The following WFDC8 variants were observed in gnomAD, a reference collection of about 807,000 sequenced individuals.
The protein encoded by WFDC8 is WAP four-disulfide core domain 8.
WFDC8 carries 24 observed loss-of-function variants against 27.0 expected under a neutral mutation model. The observed-to-expected ratio is 0.89, with a 90% CI of 0.64 to 1.25. WFDC8 has a LOEUF of 1.25. WFDC8 is among the 50% of genes most tolerant of loss of function. WFDC8 has a pLI of 0.00. For missense variants in WFDC8, 287 were observed against 295.9 expected (o/e 0.97, Z 0.22); for synonymous variants, 106 against 99.7 (o/e 1.06, Z -0.38).
chr20:45,561,965 C>G, intron 2 of WFDC8, 145 bp downstream of exon 2: 1 of 667,350 alleles, frequency 1.5e-6, no homozygotes, highest in South Asian at 1.9e-5. Context: ...TGTGGAGGGC[C>G]AGGGTCGTGA....
chr20:45,570,327 G>C (rs1230167468), intron 1 of WFDC8, among the ~76,000 whole-genome samples: 2 of 152,136 alleles, frequency 1.3e-5, no homozygotes, highest in African/African-American at 2.4e-5. Flanking sequence ...TTTTCTAACT[G>C]TTAAAGAATT....
intron 3 of WFDC8, among the ~76,000 whole-genome samples, chr20:45,556,739 A>T (rs2145563656): frequency 6.6e-6 from 1 of 152,372 alleles, no homozygotes; most frequent in African/African-American, 2.4e-5. Flanking sequence ...CAAAATTAAA[A>T]AAATATATAT....
chr20:45,562,186 C>T lies in WFDC8; in HGVS notation c.60G>A (p.Trp20Ter), dbSNP rs1336540586. The T allele has an allele frequency of 1.9e-6, 3 of 1,614,142 alleles. No individual in the cohort carries two copies. The highest frequency in any genetic ancestry group is 1.7e-6 in the Non-Finnish European group (2 of 1,180,020). The part of the protein sequence containing the change: ...HFPLHSPTFS[W>*]RNVAFLLLLS... ...GAAGCAGCAGGAAAGCTACATTCCT[C>T]CAGGAGAAGGTGGGGCTATGGAGAG... Residue 20 changes from tryptophan (W) to a stop codon, truncating the protein, a stop_gained, in exon 2 of 6, where the codon TGG becomes TGA. Coordinates refer to ENST00000289953, the MANE Select transcript of WFDC8 (RefSeq NM_130896.3). LOFTEE classifies it high-confidence loss of function.
At position 45,553,164 on chromosome 20, in the gene WFDC8, A is replaced by G; in HGVS notation, c.558T>C (p.Cys186=). The G allele has an allele frequency of 6.2e-7, 1 of 1,613,744 alleles. No homozygotes were observed. Among genetic ancestry groups the G allele is most frequent in the Non-Finnish European group, 8.5e-7 (1 of 1,179,778 alleles). Residue 186 remains cysteine (C), a synonymous_variant, in exon 5 of 6, where the codon TGT becomes TGC. Coordinates refer to ENST00000289953, the MANE Select transcript of WFDC8 (RefSeq NM_130896.3). ...TCCAGGCCCTGGCACAAACAAAGCCACACCTGGATTCACAACATTTGTCTG... is the reference window on the plus strand; with the variant it reads ...TCCAGGCCCTGGCACAAACAAAGCCGCACCTGGATTCACAACATTTGTCTG... ...PQTDKCCESR[C]GFVCARAWTV...
intron 4 of WFDC8, 42 bp downstream of exon 4, chr20:45,555,659 T>C (rs773217892): frequency 6.2e-6 from 10 of 1,605,856 alleles, no homozygotes; most frequent in Non-Finnish European, 8.5e-6. Flanking sequence ...ATACTATTTC[T>C]AGTTAAACTA....
chr20:45,571,248 T>A (rs1980856414), intron 1 of WFDC8, among the ~76,000 whole-genome samples: 1 of 152,198 alleles, frequency 6.6e-6, no homozygotes, highest in South Asian at 2.1e-4. Context: ...GGATCATTGG[T>A]CAATTTCATT....
intron 4 of WFDC8, among the ~76,000 whole-genome samples, chr20:45,553,748 T>C (rs1600884563): frequency 6.6e-6 from 1 of 152,214 alleles, no homozygotes; most frequent in East Asian, 1.9e-4. Flanking sequence ...GCTGTTGGGG[T>C]AATCCAAGTA....
rs1315713502 is a variant in WFDC8 at position 45,553,263 on chromosome 20, T to C, written c.459A>G (p.Gln153=). ...GTTCAGTGAAAGGGAAGAGTGGGCA[T>C]TGTCCATCCTTAACTAAAATAAGAG... ...TACMLIVKDG[Q]CPLFPFTERK... Residue 153 remains glutamine (Q), a synonymous_variant, in exon 5 of 6, where the codon CAA becomes CAG. Coordinates refer to ENST00000289953, the MANE Select transcript of WFDC8 (RefSeq NM_130896.3). 1.4e-5 allele frequency: 22 copies of C among 1,613,276 alleles called. No homozygotes were observed. The highest frequency in any genetic ancestry group is 1.7e-5 in the Non-Finnish European group (20 of 1,179,590).
At chr20:45,564,421 C>T (rs2145569976) in intron 1 of WFDC8, among the ~76,000 whole-genome samples, 1 of 152,140 alleles carries the variant, frequency 6.6e-6, no homozygotes, top group Non-Finnish European at 1.5e-5. Context: ...CCTGTAATCC[C>T]AGCACTTTGG....
At chr20:45,553,114 G>A (rs1980101189) in intron 5 of WFDC8, 22 bp downstream of exon 5, 1 of 1,601,994 alleles carries the variant, frequency 6.2e-7, no homozygotes, top group Non-Finnish European at 8.5e-7. Flanking sequence ...ATAGATTTGG[G>A]AGGTATATCC....
chr20:45,556,181 T>C (rs1201297436), intron 3 of WFDC8, among the ~76,000 whole-genome samples: 1 of 152,226 alleles, frequency 6.6e-6, no homozygotes, highest in Non-Finnish European at 1.5e-5. Context: ...CAGCAACTAT[T>C]AGGTTGATGC....
chr20:45,554,694 T>C (rs1177701908), intron 4 of WFDC8, among the ~76,000 whole-genome samples: 2 of 152,170 alleles, frequency 1.3e-5, no homozygotes, highest in Admixed American at 6.5e-5. Flanking sequence ...CACAGCACCA[T>C]GATTCCTTAG....
intron 3 of WFDC8, among the ~76,000 whole-genome samples, chr20:45,557,394 A>G (rs1177831078): frequency 6.6e-6 from 1 of 152,036 alleles, no homozygotes; most frequent in Non-Finnish European, 1.5e-5. Flanking sequence ...AATGGTTCCT[A>G]TTTTGATTAA....
chr20:45,565,956 G>A (rs1980662872), intron 1 of WFDC8, among the ~76,000 whole-genome samples: 2 of 152,082 alleles, frequency 1.3e-5, no homozygotes, highest in South Asian at 4.1e-4. Context: ...TTTTATGAAA[G>A]TAATCACAAA....
intron 1 of WFDC8, among the ~76,000 whole-genome samples, chr20:45,575,945 C>T (rs947313175): frequency 1.3e-5 from 2 of 151,282 alleles, no homozygotes; most frequent in African/African-American, 4.8e-5. Flanking sequence ...AGGAAGCAGA[C>T]CTTGAGGAGG....
intron 1 of WFDC8, among the ~76,000 whole-genome samples, chr20:45,569,471 T>C (rs979996976): frequency 1.3e-5 from 2 of 152,224 alleles, no homozygotes; most frequent in Admixed American, 6.5e-5. Flanking sequence ...TAAAAATTAA[T>C]TCATAAGAAA....
intron 2 of WFDC8, among the ~76,000 whole-genome samples, chr20:45,561,708 T>G (rs1433466840): frequency 6.6e-6 from 1 of 151,438 alleles, no homozygotes; most frequent in Non-Finnish European, 1.5e-5. Context: ...TCATGCCTAG[T>G]GACTTATTAA....
intron 3 of WFDC8, 125 bp from the exon 4 acceptor site, chr20:45,555,993 G>A: frequency 1.8e-5 from 16 of 891,170 alleles, no homozygotes; most frequent in Middle Eastern, 3.1e-4. Context: ...CATGGCAGGG[G>A]AAAAAAAAAG....
intron 2 of WFDC8, among the ~76,000 whole-genome samples, chr20:45,560,752 G>A (rs1980438157): frequency 6.6e-6 from 1 of 152,186 alleles, no homozygotes; most frequent in African/African-American, 2.4e-5. Context: ...GAGACTTTGA[G>A]TACTTTCCAA....
Sources: allele counts gnomAD v4.1 joint callset (sites outside exome capture counted in the v4.1 genomes callset), GRCh38; gene constraint gnomAD v4.1.1; transcripts MANE v1.5; gene names NCBI Gene and HGNC (gene_info 2026-07-23, HGNC 2026-07-21).